The following RAD50 variants were observed in gnomAD, a reference collection of about 807,000 sequenced individuals.
RAD50 encodes the protein RAD50 double strand break repair protein.
A neutral mutation model predicts 168.8 loss-of-function variants in RAD50; 132 were observed. That is an observed-to-expected ratio of 0.78 (90% confidence interval 0.68 to 0.90). RAD50 has a LOEUF of 0.90. Among genes scored for constraint, RAD50 ranks in the 40% least tolerant of loss-of-function variants. The pLI is 0.00. For synonymous variants in RAD50, 525 were observed against 497.4 expected (o/e 1.06, Z -0.74); for missense variants, 1,347 against 1,534.4 (o/e 0.88, Z 2.04).
At chr5:132,559,587 G>GT (rs1341797865) in intron 2 of RAD50, among the ~76,000 whole-genome samples, 1 of 151,782 alleles carries the variant, frequency 6.6e-6, no homozygotes, top group Non-Finnish European at 1.5e-5. Context: ...TGTATTCTGG[G>GT]TTTTTTTCCC....
At chr5:132,622,347 T>G (rs1751300525) in intron 21 of RAD50, among the ~76,000 whole-genome samples, 1 of 151,994 alleles carries the variant, frequency 6.6e-6, no homozygotes, top group Non-Finnish European at 1.5e-5. Flanking sequence ...TTATTACAGA[T>G]GGGGTTTTGT....
chr5:132,598,142 G>A (rs144196241), intron 13 of RAD50, among the ~76,000 whole-genome samples: 6,151 of 151,230 alleles, frequency 0.041, 355 homozygotes, highest in African/African-American at 0.13. Flanking sequence ...CCACCTCCCC[G>A]GTTCAAGCAA....
intron 21 of RAD50, 71 bp downstream of exon 21, chr5:132,618,365 C>A (rs2149854018): frequency 2.5e-6 from 4 of 1,575,018 alleles, no homozygotes; most frequent in Non-Finnish European, 1.7e-6. Flanking sequence ...TCTTTTCTCT[C>A]ATTTTTTTCT....
At chr5:132,608,117 T>C (rs1490310858) in intron 16 of RAD50, among the ~76,000 whole-genome samples, 1 of 152,258 alleles carries the variant, frequency 6.6e-6, no homozygotes, top group African/African-American at 2.4e-5. Flanking sequence ...CTTAGCAGGC[T>C]AAGCTTAAGG....
At chr5:132,602,208 T>C (rs1750901760) in intron 13 of RAD50, among the ~76,000 whole-genome samples, 1 of 152,196 alleles carries the variant, frequency 6.6e-6, no homozygotes, top group Non-Finnish European at 1.5e-5. Context: ...GGTCATAGTT[T>C]GCATTTTTAA....
Position 132,603,283 on chromosome 5 carries a change from TTG to T in RAD50, c.2208-13_2208-12del. The T allele has an allele frequency of 1.3e-6, 2 of 1,591,390 alleles. No individual in the cohort carries two copies. Among genetic ancestry groups the T allele is most frequent in the Non-Finnish European group, 1.7e-6 (2 of 1,163,024 alleles). ...GAAACATCAGATACTTTATTTTTAA[TTG>T]TGTTTTCTATTTAGGCAAAGCATAA... On this transcript the variant is annotated splice_polypyrimidine_tract_variant and intron_variant, in intron 13 of 24. Transcript: ENST00000378823.
intron 19 of RAD50, among the ~76,000 whole-genome samples, chr5:132,614,932 G>C (rs1751150121): frequency 6.6e-6 from 1 of 152,098 alleles, no homozygotes; most frequent in Non-Finnish European, 1.5e-5. Flanking sequence ...TCATCTACCA[G>C]TCCCTGGCCT....
At chr5:132,557,490 C>T in intron 1 of RAD50, 37 bp downstream of exon 1, 1 of 1,613,298 alleles carries the variant, frequency 6.2e-7, no homozygotes, top group Non-Finnish European at 8.5e-7. Flanking sequence ...TTACAGGTCG[C>T]TACATCTTTC....
At chr5:132,590,469 CAAAAA>C (rs537814677) in intron 9 of RAD50, among the ~76,000 whole-genome samples, 23 of 151,240 alleles carry the variant, frequency 1.5e-4, no homozygotes, top group African/African-American at 4.4e-4. Context: ...GACTCCATCT[CAAAAA>C]AAAGAAAAAG....
intron 21 of RAD50, among the ~76,000 whole-genome samples, chr5:132,618,830 T>C (rs1235448777): frequency 6.6e-6 from 1 of 152,218 alleles, no homozygotes; most frequent in Non-Finnish European, 1.5e-5. Context: ...TACCTCCCTC[T>C]AACCAATCTA....
intron 2 of RAD50, among the ~76,000 whole-genome samples, chr5:132,572,654 A>G (rs997518404): frequency 1.3e-5 from 2 of 152,182 alleles, no homozygotes; most frequent in Non-Finnish European, 2.9e-5. Flanking sequence ...GTCATTTTCT[A>G]CTACTTTAAG....
At chr5:132,641,576 AAAAG>A (rs1013106739) in intron 24 of RAD50, among the ~76,000 whole-genome samples, 1 of 152,178 alleles carries the variant, frequency 6.6e-6, no homozygotes, top group Non-Finnish European at 1.5e-5. Flanking sequence ...GTGGCTAGCT[AAAAG>A]AAAAAGTCTT....
At chr5:132,591,095 T>G in intron 9 of RAD50, 129 bp from the exon 10 acceptor site, 1 of 945,152 alleles carries the variant, frequency 1.1e-6, no homozygotes, top group Admixed American at 2.1e-5. Flanking sequence ...TGTTTTTTTC[T>G]CTTGTTGGAT....
At chr5:132,638,985 A>T (rs2040705) in intron 23 of RAD50, among the ~76,000 whole-genome samples, 96,561 of 152,116 alleles carry the variant, frequency 0.63, 33,104 homozygotes, top group African/African-American at 0.9. Flanking sequence ...GACTTTTTTT[A>T]AATAAAATTC....
intron 19 of RAD50, among the ~76,000 whole-genome samples, chr5:132,614,663 A>G (rs1162305527): frequency 2.0e-5 from 3 of 151,888 alleles, no homozygotes; most frequent in Non-Finnish European, 4.4e-5. Context: ...ATATTGTATT[A>G]TTTTAAATTT....
At chr5:132,602,392 ATAT>A (rs1264664567) in intron 13 of RAD50, among the ~76,000 whole-genome samples, 2 of 152,136 alleles carry the variant, frequency 1.3e-5, no homozygotes, top group Non-Finnish European at 2.9e-5. Context: ...GATTAAATAC[ATAT>A]TATTGTTTCA....
intron 23 of RAD50, among the ~76,000 whole-genome samples, chr5:132,639,790 T>C (rs1465849821): frequency 6.6e-6 from 1 of 152,158 alleles, no homozygotes; most frequent in Non-Finnish European, 1.5e-5. Flanking sequence ...GACAGCAGTT[T>C]GGATTCAAAG....
At chr5:132,597,128 AT>A (rs1181704190) in intron 13 of RAD50, among the ~76,000 whole-genome samples, 1 of 152,218 alleles carries the variant, frequency 6.6e-6, no homozygotes, top group African/African-American at 2.4e-5. Flanking sequence ...ATATTAATAT[AT>A]TGACTGAAAC....
chr5:132,638,089 T>A lies in RAD50; in HGVS notation c.3484T>A (p.Tyr1162Asn). The A allele has an allele frequency of 1.2e-6, 2 of 1,614,088 alleles. No homozygotes were observed. The highest frequency in any genetic ancestry group is 2.7e-5 in the African/African-American group (2 of 75,044). Residue 1162 changes from tyrosine to asparagine, a missense_variant, in exon 23 of 25, where the codon TAC becomes AAC. This residue lies in a region of RAD50 where 635 missense variants were observed against 739.2 expected (regional missense o/e 0.86). Coordinates refer to ENST00000378823, the MANE Select transcript of RAD50 (RefSeq NM_005732.4). ...TCTTCTTCCTGTGTCAGATATTGAA[T>A]ACATAGAAATACGGTCTGATGCCGA... ...RSTYRGQDIE[Y>N]IEIRSDADEN...
Sources: gnomAD v4.1 joint callset for allele counts (sites outside exome capture counted in the v4.1 genomes callset) on GRCh38, gnomAD v4.1.1 for gene constraint, gnomAD v4.1.1 regional missense constraint, MANE v1.5 for transcripts, NCBI Gene and HGNC (gene_info 2026-07-23, HGNC 2026-07-21) for gene names.